Variants in EPG5 observed in about 807,000 individuals in gnomAD.
EPG5 encodes ectopic P granules protein 5 homolog.
EPG5 carries 159 observed loss-of-function variants against 302.7 expected under a neutral mutation model. That is an observed-to-expected ratio of 0.53 (90% CI 0.46 to 0.60). EPG5 has a LOEUF of 0.60. Among genes scored for constraint, EPG5 ranks in the 20% least tolerant of loss-of-function variants. The probability of loss-of-function intolerance (pLI) is 0.00; values close to 1 mark genes in which losing one functional copy is unlikely to be tolerated. For missense variants in EPG5, 2,896 were observed against 3,092.4 expected, an observed-to-expected ratio of 0.94 and a Z score of 1.51; for synonymous variants, 1,158 against 1,136.8, an observed-to-expected ratio of 1.02 and a Z score of -0.37.
chr18:45,955,027 T>C lies in EPG5; in HGVS notation c.375A>G (p.Gly125=), dbSNP rs1444139900. ...TTTCTACTTTAGTTCCAACATTGTC[T>C]CCAGGGTGGACCTTTGGAGTGACTG... ...DSAVTPKVHP[G]DNVGTKVETP... is the part of the protein sequence containing the mutation. The change falls in exon 2 of 44, where the codon GGA becomes GGG. Residue 125 remains glycine (G), a synonymous_variant. Transcript: ENST00000282041. 9.3e-6 allele frequency: 15 copies of C among 1,614,068 alleles called. No homozygotes were observed. The highest frequency in any genetic ancestry group is 1.0e-5 in the Non-Finnish European group (12 of 1,180,020).
chr18:45,808,812 A>G, the EPG5 span, among the ~76,000 whole-genome samples: 1 of 65,462 alleles, frequency 1.5e-5, no homozygotes. Flanking sequence ...AAACAAAAAT[A>G]CAATTAAAAA....
the EPG5 span, chr18:45,825,617 G>A: frequency 8.9e-7 from 1 of 1,119,502 alleles, no homozygotes; most frequent in Non-Finnish European, 1.3e-6. Flanking sequence ...CTGCAGATCT[G>A]AGTGCCCTGC....
In EPG5 at chr18:45,917,615, C is replaced by T. The variant is rs915591121; in HGVS notation, c.3239+64G>A. ...TTATTTTACTTAAGAAACCAGAAGA[C>T]ACAATCATTTGTACTTGCTGGACTG... On this transcript the variant is annotated intron_variant, in intron 17 of 43. Coordinates refer to ENST00000282041, the MANE Select transcript of EPG5 (RefSeq NM_020964.3). The T allele has an allele frequency of 1.3e-5, 20 of 1,575,626 alleles. No homozygotes were observed. The South Asian group carries it at 1.7e-4, about 14-fold the overall frequency.
chr18:45,903,423 A>C (rs981080630), intron 25 of EPG5, among the ~76,000 whole-genome samples: 3 of 152,162 alleles, frequency 2.0e-5, no homozygotes, highest in African/African-American at 7.2e-5. Context: ...GGTTAGTGGC[A>C]AGCTGGAATA....
At chr18:45,892,840 T>C (rs1213227117) in intron 27 of EPG5, among the ~76,000 whole-genome samples, 1 of 152,256 alleles carries the variant, frequency 6.6e-6, no homozygotes, top group Non-Finnish European at 1.5e-5. Context: ...TTTCATGATA[T>C]AATTTGAACT....
At chr18:45,866,712 C>T in intron 38 of EPG5, 86 bp downstream of exon 38, 1 of 1,038,358 alleles carries the variant, frequency 9.6e-7, no homozygotes, top group Admixed American at 1.8e-5. Context: ...CTGAGCACTT[C>T]CTAGCTTCGA....
the EPG5 span, among the ~76,000 whole-genome samples, chr18:45,805,672 A>G: frequency 6.6e-6 from 1 of 152,138 alleles, no homozygotes; most frequent in Admixed American, 6.6e-5. Flanking sequence ...GATAGAGTGA[A>G]AGTAAATAGA....
chr18:45,811,550 T>C, the EPG5 span, among the ~76,000 whole-genome samples: 13 of 152,142 alleles, frequency 8.5e-5, no homozygotes, highest in East Asian at 2.5e-3. Flanking sequence ...CAGCAGCACA[T>C]CAAAAAGCTT....
chr18:45,834,035 C>A, the EPG5 span, among the ~76,000 whole-genome samples: 1 of 152,176 alleles, frequency 6.6e-6, no homozygotes, highest in Non-Finnish European at 1.5e-5. Flanking sequence ...TGCCTGGCAA[C>A]CTCTATGCTG....
chr18:45,852,303 A>C lies in EPG5; in HGVS notation c.*164T>G, dbSNP rs187738851. ...AAAACACACACACACACACACACAC[A>C]CCCCAAAATTATCTAATATCTAACG... is the stretch of plus-strand genomic sequence containing the variant. On this transcript the variant is annotated 3_prime_UTR_variant, in exon 44 of 44. Transcript: ENST00000282041. 3.7e-3 allele frequency: 2,265 copies of C among 604,278 alleles called. 29 individuals carry two copies. The highest frequency in any genetic ancestry group is 0.032 in the African/African-American group (1,726 of 53,346). The allele number at this position is 604,278 out of a possible 1,614,324, so 37.4% of individuals were successfully genotyped here.
At chr18:45,842,221 C>A in the EPG5 span, 2 of 1,610,266 alleles carry the variant, frequency 1.2e-6, no homozygotes, top group African/African-American at 1.3e-5. Context: ...CATTTCAGCA[C>A]TGTAAAGAAC....
At chr18:45,825,187 G>A in the EPG5 span, among the ~76,000 whole-genome samples, 1 of 134,722 alleles carries the variant, frequency 7.4e-6, no homozygotes, top group Non-Finnish European at 1.6e-5. Flanking sequence ...AGAGAGGGAG[G>A]GAGAGAGGGA....
intron 24 of EPG5, among the ~76,000 whole-genome samples, chr18:45,905,982 T>TTATTTC (rs1317830558): frequency 2.0e-5 from 3 of 152,226 alleles, no homozygotes; most frequent in Non-Finnish European, 4.4e-5. Flanking sequence ...ACTCTCAGTC[T>TTATTTC]TATTTCTCTG....
chr18:45,811,449 G>A, the EPG5 span, among the ~76,000 whole-genome samples: 1 of 152,036 alleles, frequency 6.6e-6, no homozygotes, highest in African/African-American at 2.4e-5. Context: ...GCCTGACAGA[G>A]ACACACACAC....
At chr18:45,842,451 G>C in the EPG5 span, 4 of 481,152 alleles carry the variant, frequency 8.3e-6, no homozygotes, top group South Asian at 8.7e-5. Context: ...GTGAGAGAGA[G>C]AGAGAGAGAG....
At position 45,952,504 on chromosome 18, in the gene EPG5, G is replaced by A; in HGVS notation, c.1148C>T (p.Ser383Phe). ...CAATCTTGAGAGCACAGAAGTATAA[G>A]AATGAAGGGCCAGGGTCTGGTGGAG... The part of the protein sequence containing the change: ...EHLHQTLALH[S>F]YTSVLSRLQV... Residue 383 changes from serine to phenylalanine, a missense_variant, in exon 3 of 44, where the codon TCT (serine) becomes TTT (phenylalanine). Around this residue, in one of 5 missense-constraint regions of EPG5, gnomAD observed 1,390 missense variants for 1,430.0 expected, o/e 0.97. Coordinates refer to ENST00000282041, the MANE Select transcript of EPG5 (RefSeq NM_020964.3). The A allele has an allele frequency of 6.2e-7, 1 of 1,614,062 alleles. No homozygotes were observed. The highest frequency in any genetic ancestry group is 2.2e-5 in the East Asian group (1 of 44,894).
rs191893671 is a variant in EPG5, at chr18:45,963,879, A to C, written c.63+3298T>G. Among the ~76,000 whole-genome samples the C allele has an allele frequency of 1.7e-3, 254 of 152,346 alleles. 4 individuals carry two copies. Among genetic ancestry groups the C allele is most frequent in the Admixed American group, 0.014 (211 of 15,300 alleles). Reference sequence around the variant, plus strand: ...ATGAACGTAAAGAGGCCAGTTTAGAAGAAATCCTCCTTGGAGGAGGGTTGT... The same window carrying C: ...ATGAACGTAAAGAGGCCAGTTTAGACGAAATCCTCCTTGGAGGAGGGTTGT... On this transcript the variant is annotated intron_variant, in intron 1 of 43. Transcript: ENST00000282041.
chr18:45,889,669 G>T, intron 28 of EPG5, 129 bp downstream of exon 28: 1 of 701,966 alleles, frequency 1.4e-6, no homozygotes, highest in Non-Finnish European at 2.1e-6. Flanking sequence ...CTCAAAGGCC[G>T]TAGTTTGCTG....
At chr18:45,949,658 T>G in intron 4 of EPG5, 67 bp from the exon 5 acceptor site, 2 of 1,016,364 alleles carry the variant, frequency 2.0e-6, no homozygotes, top group Non-Finnish European at 1.5e-6. Context: ...AGGGGTCTAG[T>G]AAAGTCATTT....
Sources: allele counts gnomAD v4.1 joint callset (sites outside exome capture counted in the v4.1 genomes callset), GRCh38; gene constraint gnomAD v4.1.1; regional missense constraint gnomAD v4.1.1; transcripts MANE v1.5; gene names NCBI Gene and HGNC (gene_info 2026-07-23, HGNC 2026-07-21).